The following CELF2 variants were observed in gnomAD, a reference collection of about 807,000 sequenced individuals.
CELF2 encodes CUG triplet repeat RNA-binding protein 2.
In CELF2, 8 loss-of-function variants were observed where a neutral mutation model predicts 62.6. The observed-to-expected ratio is 0.13, with a 90% CI of 0.07 to 0.23. The LOEUF (loss-of-function observed/expected upper bound fraction) is 0.23, where lower values mean the gene tolerates loss of function less well. Among genes scored for constraint, CELF2 ranks in the 10% least tolerant of loss-of-function variants. CELF2 has a pLI of 1.00. For synonymous variants in CELF2, 258 were observed against 250.0 expected (o/e 1.03, Z -0.30); for missense variants, 333 against 671.0 (o/e 0.50, Z 5.56).
At chr10:10,608,588 T>C in the CELF2 span, among the ~76,000 whole-genome samples, 208 of 152,172 alleles carry the variant, frequency 1.4e-3, 1 homozygote, top group African/African-American at 4.7e-3. Context: ...TCAATCCAGG[T>C]TGAATTAGAG....
the CELF2 span, among the ~76,000 whole-genome samples, chr10:10,643,570 A>T: frequency 6.6e-6 from 1 of 152,180 alleles, no homozygotes; most frequent in African/African-American, 2.4e-5. Context: ...GGATTAATAC[A>T]GGTAAATTTT....
chr10:10,654,485 A>C, the CELF2 span, among the ~76,000 whole-genome samples: 7 of 111,934 alleles, frequency 6.3e-5, no homozygotes, highest in East Asian at 1.1e-3. Context: ...TACTGGCAAA[A>C]CGAATCCAGC....
the CELF2 span, among the ~76,000 whole-genome samples, chr10:10,621,979 G>C: frequency 6.6e-6 from 1 of 152,162 alleles, no homozygotes; most frequent in Non-Finnish European, 1.5e-5. Flanking sequence ...TTCTCACATA[G>C]AGCCTTGAGA....
At chr10:10,844,805 A>G (rs187936582) in intron 1 of CELF2, among the ~76,000 whole-genome samples, 1 of 152,152 alleles carries the variant, frequency 6.6e-6, no homozygotes, top group Non-Finnish European at 1.5e-5. Flanking sequence ...GCCCTGGGAA[A>G]GGAACAGAAA....
At chr10:11,222,567 A>G (rs1409593250) in intron 3 of CELF2, among the ~76,000 whole-genome samples, 4 of 152,206 alleles carry the variant, frequency 2.6e-5, no homozygotes, top group Non-Finnish European at 5.9e-5. Flanking sequence ...TTATTCGGCA[A>G]CCATGTATTG....
chr10:11,057,470 G>T (rs1594248742), intron 1 of CELF2, among the ~76,000 whole-genome samples: 1 of 152,296 alleles, frequency 6.6e-6, no homozygotes, highest in African/African-American at 2.4e-5. Context: ...AGGAAAACAA[G>T]TTCATAGCCT....
the CELF2 span, among the ~76,000 whole-genome samples, chr10:10,544,700 C>G: frequency 6.6e-6 from 1 of 152,144 alleles, no homozygotes; most frequent in African/African-American, 2.4e-5. Context: ...AACATTCTTA[C>G]CACTGTTACC....
intron 1 of CELF2, among the ~76,000 whole-genome samples, chr10:11,060,258 GTGAACC>G (rs2066407357): frequency 1.3e-5 from 2 of 152,176 alleles, no homozygotes. Context: ...TAGGAAATGG[GTGAACC>G]CCACTCAAAA....
the CELF2 span, among the ~76,000 whole-genome samples, chr10:10,690,325 G>C: frequency 6.6e-6 from 1 of 152,148 alleles, no homozygotes; most frequent in East Asian, 1.9e-4. Flanking sequence ...GCTTGAGTTT[G>C]CTTGAGCAAA....
chr10:11,256,573 C>CTT (rs374817123), intron 4 of CELF2, among the ~76,000 whole-genome samples: 62 of 100,926 alleles, frequency 6.1e-4, no homozygotes, highest in African/African-American at 1.8e-3. Flanking sequence ...TGGCTAGCTT[C>CTT]TTTTTTTTTT....
chr10:10,536,082 C>T, the CELF2 span, among the ~76,000 whole-genome samples: 6 of 147,722 alleles, frequency 4.1e-5, no homozygotes, highest in East Asian at 2.0e-4. Context: ...TGCAGTGGTG[C>T]GATCTCGACT....
At chr10:10,642,748 C>T in the CELF2 span, among the ~76,000 whole-genome samples, 2 of 152,242 alleles carry the variant, frequency 1.3e-5, no homozygotes, top group East Asian at 1.9e-4. Flanking sequence ...CAGAAGAGTA[C>T]GTTGATATTG....
chr10:10,743,983 C>G, the CELF2 span, among the ~76,000 whole-genome samples: 4 of 152,220 alleles, frequency 2.6e-5, no homozygotes, highest in East Asian at 7.7e-4. Flanking sequence ...TTAGTAACTT[C>G]TTTTTCTTCT....
chr10:10,591,156 C>T, the CELF2 span, among the ~76,000 whole-genome samples: 1 of 151,844 alleles, frequency 6.6e-6, no homozygotes, highest in Non-Finnish European at 1.5e-5. Context: ...GAGCTCAAAC[C>T]CCATAACCTA....
chr10:11,077,589 A>T (rs888938107), intron 1 of CELF2, among the ~76,000 whole-genome samples: 5 of 152,148 alleles, frequency 3.3e-5, no homozygotes, highest in African/African-American at 1.2e-4. Context: ...TGAGCCTTGT[A>T]AAAAAATACC....
At chr10:10,590,930 T>C in the CELF2 span, among the ~76,000 whole-genome samples, 3 of 152,228 alleles carry the variant, frequency 2.0e-5, no homozygotes, top group Non-Finnish European at 4.4e-5. Context: ...CTATGGTAGA[T>C]GAATAAAATT....
At chr10:10,623,816 G>A in the CELF2 span, among the ~76,000 whole-genome samples, 15 of 152,102 alleles carry the variant, frequency 9.9e-5, no homozygotes, top group African/African-American at 3.4e-4. Context: ...GCAAATCTTC[G>A]AAATAGGGTT....
At position 11,305,897 on chromosome 10, in the gene CELF2, G is replaced by T. The variant is rs770716110; in HGVS notation, c.977-8242G>T. ...ACCATCAGGGTCTCTGGACCACCTC[G>T]CTTTTCCTGTTCTCCACACCCCACC... On this transcript the variant is annotated intron_variant, in intron 9 of 12. Coordinates refer to ENST00000633077, the MANE Select transcript of CELF2 (RefSeq NM_001326342.2). This position sits in a 1 kb window ranked among gnomAD's most constrained non-coding sequence, Gnocchi z 4.8. 2.0e-5 allele frequency among the ~76,000 whole-genome samples: 3 copies of T among 152,154 alleles called. No homozygotes were observed. Among genetic ancestry groups the T allele is most frequent in the Non-Finnish European group, 2.9e-5 (2 of 68,022 alleles).
At chr10:11,105,717 G>A (rs1421506576) in intron 1 of CELF2, among the ~76,000 whole-genome samples, 1 of 152,196 alleles carries the variant, frequency 6.6e-6, no homozygotes, top group Non-Finnish European at 1.5e-5. Flanking sequence ...GTGTGCTCTA[G>A]CACCCTGGCT....
Sources: gnomAD v4.1 joint callset for allele counts (sites outside exome capture counted in the v4.1 genomes callset) on GRCh38, gnomAD v4.1.1 for gene constraint, Gnocchi (gnomAD v3.1) non-coding constraint, MANE v1.5 for transcripts, NCBI Gene and HGNC (gene_info 2026-07-23, HGNC 2026-07-21) for gene names.